The following BICD1 variants were observed in gnomAD, a reference collection of about 807,000 sequenced individuals.
The protein encoded by BICD1 is protein bicaudal D homolog 1.
BICD1 carries 35 observed loss-of-function variants against 92.5 expected under a neutral mutation model. The ratio of observed to expected loss-of-function variants is 0.38; its 90% CI spans 0.29 to 0.50. The LOEUF (loss-of-function observed/expected upper bound fraction) is 0.50, where lower values mean the gene tolerates loss of function less well. BICD1 is among the 20% of genes least tolerant of loss of function. BICD1 has a pLI of 0.93. For synonymous variants in BICD1, 429 were observed against 465.1 expected (o/e 0.92, Z 1.00); for missense variants, 950 against 1,189.8 (o/e 0.80, Z 2.97).
At chr12:32,221,382 T>A (rs909427822) in intron 2 of BICD1, among the ~76,000 whole-genome samples, 7 of 146,606 alleles carry the variant, frequency 4.8e-5, no homozygotes, top group Admixed American at 1.4e-4. Flanking sequence ...TAAATAAAAA[T>A]AAATAAAAAT....
At chr12:32,159,752 G>A (rs550567361) in intron 1 of BICD1, among the ~76,000 whole-genome samples, 3 of 152,126 alleles carry the variant, frequency 2.0e-5, no homozygotes, top group South Asian at 4.1e-4. Flanking sequence ...CTGGGGCTCT[G>A]GTTGGATTCC....
intron 1 of BICD1, among the ~76,000 whole-genome samples, chr12:32,205,522 TAA>T (rs1945024449): frequency 6.6e-6 from 1 of 151,856 alleles, no homozygotes; most frequent in Non-Finnish European, 1.5e-5. Flanking sequence ...TTTCAGTGAA[TAA>T]TGGTACAGTT....
At chr12:32,353,234 CT>C (rs1269458697) in intron 8 of BICD1, 4 of 151,974 alleles carry the variant, frequency 2.6e-5, no homozygotes, top group African/African-American at 9.6e-5. Context: ...AATTCTTATT[CT>C]TTTCTTTGAA....
At chr12:32,214,160 C>T (rs1190260747) in intron 1 of BICD1, among the ~76,000 whole-genome samples, 3 of 152,122 alleles carry the variant, frequency 2.0e-5, no homozygotes, top group East Asian at 1.9e-4. Context: ...TTGACATATC[C>T]TCATTATCTT....
intron 3 of BICD1, among the ~76,000 whole-genome samples, chr12:32,296,415 G>A (rs1592629590): frequency 6.6e-6 from 1 of 151,636 alleles, no homozygotes; most frequent in Non-Finnish European, 1.5e-5. Context: ...GTATCACCAC[G>A]CCTGGCTAAT....
chr12:32,174,849 C>G (rs1033344879), intron 1 of BICD1, among the ~76,000 whole-genome samples: 1 of 152,074 alleles, frequency 6.6e-6, no homozygotes, highest in Non-Finnish European at 1.5e-5. Context: ...CATTGGCAGT[C>G]TAATTGGAGT....
Position 32,332,876 on chromosome 12 carries a change from A to G in BICD1, c.2101-1640A>G, listed in dbSNP as rs934661285. 5 of 985,304 alleles carry G rather than the reference A, an allele frequency of 5.1e-6. No individual in the cohort carries two copies. In the African/African-American group the frequency reaches 7.0e-5, roughly 14 times the overall value. 61.0% of individuals were successfully genotyped at this position (985,304 alleles called of 1,614,324 possible). ...TGGAAATAAGACTTTTTTTATTTAG[A>G]AAGTCAACTTTGGAATGTGTGGAGA... On this transcript the variant is annotated intron_variant, in intron 5 of 9. Transcript: ENST00000652176.
intron 4 of BICD1, among the ~76,000 whole-genome samples, chr12:32,323,503 G>A (rs146313521): frequency 2.0e-5 from 3 of 152,134 alleles, no homozygotes; most frequent in Non-Finnish European, 4.4e-5. Flanking sequence ...AGTAAATGTT[G>A]GTCCCGAGAT....
At chr12:32,211,531 T>G (rs1476793436) in intron 1 of BICD1, among the ~76,000 whole-genome samples, 2 of 152,200 alleles carry the variant, frequency 1.3e-5, no homozygotes, top group African/African-American at 4.8e-5. Context: ...ATTCACTTGC[T>G]CTTAAGACTT....
intron 4 of BICD1, among the ~76,000 whole-genome samples, chr12:32,323,500 GT>G (rs1401450578): frequency 6.6e-6 from 1 of 152,194 alleles, no homozygotes; most frequent in African/African-American, 2.4e-5. Context: ...CTAAGTAAAT[GT>G]TGGTCCCGAG....
At chr12:32,343,913 GT>G (rs373073155) in intron 8 of BICD1, among the ~76,000 whole-genome samples, 1 of 152,280 alleles carries the variant, frequency 6.6e-6, no homozygotes, top group African/African-American at 2.4e-5. Context: ...GTAGATATTT[GT>G]TTGTTTCACG....
intron 2 of BICD1, among the ~76,000 whole-genome samples, chr12:32,233,220 G>GCT (rs1945947615): frequency 6.6e-6 from 1 of 151,240 alleles, no homozygotes. Flanking sequence ...TACTCTGGAG[G>GCT]CTGAGACAAG....
At chr12:32,217,885 G>A (rs974387872) in intron 2 of BICD1, among the ~76,000 whole-genome samples, 1 of 152,212 alleles carries the variant, frequency 6.6e-6, no homozygotes, top group African/African-American at 2.4e-5. Context: ...AACCTCAGCA[G>A]CCGTGAGCAG....
At chr12:32,268,902 T>C (rs893181064) in intron 2 of BICD1, among the ~76,000 whole-genome samples, 4 of 152,230 alleles carry the variant, frequency 2.6e-5, no homozygotes, top group African/African-American at 9.6e-5. Flanking sequence ...AACCTACTTA[T>C]GAGCATCTGT....
intron 9 of BICD1, among the ~76,000 whole-genome samples, chr12:32,376,337 T>C (rs1939959700): frequency 6.6e-6 from 1 of 152,056 alleles, no homozygotes; most frequent in Non-Finnish European, 1.5e-5. Context: ...TCCTCCTGCC[T>C]TGGCCTCCCA....
At chr12:32,327,313 TA>T in intron 4 of BICD1, 147 bp from the exon 5 acceptor site, 1 of 1,005,198 alleles carries the variant, frequency 9.9e-7, no homozygotes. Flanking sequence ...ACTGCTGAAA[TA>T]AAAAACACTC....
chr12:32,378,525 A>AG lies in BICD1; in HGVS notation c.*901dup, dbSNP rs1940068377. 1 of 152,214 alleles carries AG rather than the reference A, an allele frequency of 6.6e-6. No individual in the cohort carries two copies. Among genetic ancestry groups the AG allele is most frequent in the Non-Finnish European group, 1.5e-5 (1 of 68,032 alleles). 9.4% of individuals were successfully genotyped at this position (152,214 alleles called of 1,614,324 possible). A position where few individuals can be genotyped will look rare whatever the true frequency, so the allele number is the denominator to read the frequency against. ...CGTTAAAGAAGGCTCAATAACTTGA[A>AG]GGGAAAAAAATGGTGTGTTTATTTA... On this transcript the variant is annotated 3_prime_UTR_variant, in exon 10 of 10. Transcript: ENST00000652176.
At chr12:32,201,165 A>T (rs1476332439) in intron 1 of BICD1, among the ~76,000 whole-genome samples, 1 of 152,134 alleles carries the variant, frequency 6.6e-6, no homozygotes, top group Non-Finnish European at 1.5e-5. Flanking sequence ...TCTCCTTTCT[A>T]TGGTTCTTTC....
At chr12:32,376,765 G>T (rs1939983884) in intron 9 of BICD1, among the ~76,000 whole-genome samples, 1 of 151,308 alleles carries the variant, frequency 6.6e-6, no homozygotes, top group Non-Finnish European at 1.5e-5. Context: ...CTGCTCGGGA[G>T]GCTGAGGCAG....
Sources: allele counts gnomAD v4.1 joint callset (sites outside exome capture counted in the v4.1 genomes callset), GRCh38; gene constraint gnomAD v4.1.1; transcripts MANE v1.5; gene names NCBI Gene and HGNC (gene_info 2026-07-23, HGNC 2026-07-21).